Variants in FHOD3 observed in about 807,000 individuals in gnomAD.
The protein encoded by FHOD3 is formin homology 2 domain containing 3.
A neutral mutation model predicts 173.0 loss-of-function variants in FHOD3; 90 were observed. The observed-to-expected ratio is 0.52, with a 90% confidence interval of 0.44 to 0.62. The LOEUF is 0.62. Among genes scored for constraint, FHOD3 ranks in the 20% least tolerant of loss-of-function variants. FHOD3 has a pLI of 0.00. For synonymous variants in FHOD3, 828 were observed against 823.0 expected, an observed-to-expected ratio of 1.01 and a Z score of -0.10; for missense variants, 1,945 against 2,034.7, an observed-to-expected ratio of 0.96 and a Z score of 0.85.
intron 17 of FHOD3, among the ~76,000 whole-genome samples, chr18:36,697,984 A>T (rs1429469015): frequency 6.6e-6 from 1 of 152,158 alleles, no homozygotes. Flanking sequence ...AATCAGAAAC[A>T]TCTGGTATCC....
chr18:36,535,685 T>G (rs1455307981), intron 5 of FHOD3, among the ~76,000 whole-genome samples: 2 of 152,196 alleles, frequency 1.3e-5, no homozygotes, highest in African/African-American at 4.8e-5. Flanking sequence ...TGAACAATAA[T>G]TAAATTACTT....
chr18:36,476,627 C>T (rs1186322159), intron 3 of FHOD3, among the ~76,000 whole-genome samples: 1 of 152,206 alleles, frequency 6.6e-6, no homozygotes, highest in African/African-American at 2.4e-5. Flanking sequence ...TCACTGAATC[C>T]TCACGATCAA....
At chr18:36,383,978 T>A (rs960308277) in intron 3 of FHOD3, among the ~76,000 whole-genome samples, 10 of 152,200 alleles carry the variant, frequency 6.6e-5, no homozygotes, top group Non-Finnish European at 1.5e-4. Context: ...AGGTCTGGGC[T>A]GATGAGAGAA....
At position 36,653,042 on chromosome 18, in the gene FHOD3, C is replaced by G. The variant is rs1372916552; in HGVS notation, c.1646+113C>G. On this transcript the variant is annotated intron_variant, in intron 12 of 28. Transcript: ENST00000590592. Reference sequence around the variant, plus strand: ...CCATGTTTTTTTGTGGATTTCAGCCCAAGCAGGGAGCAGTTGTGGCATAAA... The same window carrying G: ...CCATGTTTTTTTGTGGATTTCAGCCGAAGCAGGGAGCAGTTGTGGCATAAA... 6.6e-6 allele frequency: 9 copies of G among 1,369,646 alleles called. No homozygotes were observed. The East Asian group carries it at 2.0e-4, about 31-fold the overall frequency. The allele number at this position is 1,369,646 out of a possible 1,614,324, so 84.8% of individuals were successfully genotyped here.
chr18:36,347,285 AATG>A (rs1440792299), intron 1 of FHOD3, among the ~76,000 whole-genome samples: 3 of 152,250 alleles, frequency 2.0e-5, no homozygotes, highest in Non-Finnish European at 4.4e-5. Flanking sequence ...TTGGCTATTT[AATG>A]ATAACAAAAT....
chr18:36,611,746 C>A (rs895018078), intron 8 of FHOD3, among the ~76,000 whole-genome samples: 1 of 152,212 alleles, frequency 6.6e-6, no homozygotes, highest in Non-Finnish European at 1.5e-5. Context: ...GATTATGTAG[C>A]ACTTGTACAC....
At chr18:36,415,207 G>C (rs991500558) in intron 3 of FHOD3, among the ~76,000 whole-genome samples, 3 of 152,226 alleles carry the variant, frequency 2.0e-5, no homozygotes, top group African/African-American at 4.8e-5. Context: ...GAATAAAGGT[G>C]AGTCCACTGC....
intron 1 of FHOD3, among the ~76,000 whole-genome samples, chr18:36,303,019 G>A (rs1039706330): frequency 6.6e-6 from 1 of 152,192 alleles, no homozygotes; most frequent in Admixed American, 6.5e-5. Flanking sequence ...GTGCTGTCAT[G>A]GCCTCTTGCA....
At position 36,441,347 on chromosome 18, in the gene FHOD3, G is replaced by A. The variant is rs149842458; in HGVS notation, c.338-60585G>A. 6.4e-3 allele frequency among the ~76,000 whole-genome samples: 973 copies of A among 152,322 alleles called. 4 individuals carry two copies. Among genetic ancestry groups the A allele is most frequent in the African/African-American group, 0.021 (885 of 41,564 alleles). On this transcript the variant is annotated intron_variant, in intron 3 of 28. Coordinates refer to ENST00000590592, the MANE Select transcript of FHOD3 (RefSeq NM_001281740.3). ...AACCCTGCTTTCTGAGGAGAAAGGGGTGGTCAGTGGCCAATTCTACTTTAA... is the reference window on the plus strand; with the variant it reads ...AACCCTGCTTTCTGAGGAGAAAGGGATGGTCAGTGGCCAATTCTACTTTAA...
At chr18:36,772,682 G>A (rs2043439366) in intron 28 of FHOD3, among the ~76,000 whole-genome samples, 1 of 152,236 alleles carries the variant, frequency 6.6e-6, no homozygotes, top group African/African-American at 2.4e-5. Flanking sequence ...AGCTGGGATA[G>A]CCAAGGGCCT....
intron 9 of FHOD3, among the ~76,000 whole-genome samples, chr18:36,615,442 T>C (rs1029175469): frequency 2.0e-5 from 3 of 152,162 alleles, no homozygotes; most frequent in Admixed American, 1.3e-4. Context: ...TTACTAACCA[T>C]TTTTAACATT....
intron 8 of FHOD3, 88 bp from the exon 9 acceptor site, chr18:36,611,864 A>C (rs1277247855): frequency 4.6e-6 from 6 of 1,296,918 alleles, no homozygotes; most frequent in Non-Finnish European, 6.3e-6. Context: ...TTATAACAAT[A>C]TGCCTGGATT....
chr18:36,467,895 C>T (rs570790379), intron 3 of FHOD3, among the ~76,000 whole-genome samples: 12 of 152,308 alleles, frequency 7.9e-5, no homozygotes, highest in East Asian at 1.9e-4. Context: ...GCCTGTGGCA[C>T]GGGTGCCTGC....
chr18:36,383,920 G>A (rs1188316945), intron 3 of FHOD3, among the ~76,000 whole-genome samples: 2 of 152,114 alleles, frequency 1.3e-5, no homozygotes, highest in Non-Finnish European at 2.9e-5. Context: ...TAGCTGCTCT[G>A]GAGCACTTAC....
chr18:36,576,053 GT>G (rs572090986), intron 5 of FHOD3, among the ~76,000 whole-genome samples: 36 of 152,328 alleles, frequency 2.4e-4, no homozygotes, highest in African/African-American at 8.7e-4. Context: ...CACTGGACAG[GT>G]TGCTTTTGGA....
At chr18:36,410,552 G>A (rs62086165) in intron 3 of FHOD3, among the ~76,000 whole-genome samples, 6,550 of 138,008 alleles carry the variant, frequency 0.047, 174 homozygotes, top group Non-Finnish European at 0.058. Context: ...GACATTTAGC[G>A]TTTTAAGGAA....
intron 1 of FHOD3, among the ~76,000 whole-genome samples, chr18:36,305,687 A>C (rs1307378216): frequency 6.6e-6 from 1 of 152,168 alleles, no homozygotes; most frequent in East Asian, 1.9e-4. Context: ...ATTGATGGGC[A>C]AACACTACCA....
chr18:36,718,661 T>C lies in FHOD3; in HGVS notation c.3363T>C (p.Thr1121=), dbSNP rs1419527276. Residue 1121 remains threonine (T), a synonymous_variant, in exon 19 of 29, where the codon ACT becomes ACC. Transcript: ENST00000590592. ...AACTGGAACCCATTAAGGTGGACAC[T>C]TCCAGACTGGAGCACCTGTTTGAGT... The part of the protein sequence containing the change: ...WSKLEPIKVD[T]SRLEHLFESK... 3 of 1,614,170 alleles carry C rather than the reference T, an allele frequency of 1.9e-6. No homozygotes were observed. The highest frequency in any genetic ancestry group is 2.5e-6 in the Non-Finnish European group (3 of 1,180,032).
In FHOD3 at chr18:36,611,934, G is replaced by A; in HGVS notation, c.814-18G>A. The A allele has an allele frequency of 1.2e-6, 2 of 1,610,674 alleles. No individual in the cohort carries two copies. The highest frequency in any genetic ancestry group is 1.7e-6 in the Non-Finnish European group (2 of 1,178,576). ...GTCTTCTGTGGTGTCTCTGTAGCTG[G>A]TTCTTCTCTTCTTCCAGACGTTATC... is the stretch of plus-strand genomic sequence containing the variant. On this transcript the variant is annotated intron_variant, in intron 8 of 28. Coordinates refer to ENST00000590592, the MANE Select transcript of FHOD3 (RefSeq NM_001281740.3).
Sources: gnomAD v4.1 joint callset for allele counts (sites outside exome capture counted in the v4.1 genomes callset) on GRCh38, gnomAD v4.1.1 for gene constraint, MANE v1.5 for transcripts, NCBI Gene and HGNC (gene_info 2026-07-23, HGNC 2026-07-21) for gene names.